Variants in AGXT2 observed in about 807,000 individuals in gnomAD.
AGXT2 encodes the protein alanine--glyoxylate aminotransferase 2, mitochondrial.
A neutral mutation model predicts 62.5 loss-of-function variants in AGXT2; 61 were observed. The ratio of observed to expected loss-of-function variants is 0.98; its 90% CI spans 0.79 to 1.21. The LOEUF (loss-of-function observed/expected upper bound fraction) is 1.21, where lower values mean the gene tolerates loss of function less well. Among genes scored for constraint, AGXT2 ranks in the 50% most tolerant of loss-of-function variants. AGXT2 has a pLI of 0.00. For synonymous variants in AGXT2, 243 were observed against 218.7 expected, an observed-to-expected ratio of 1.11 and a Z score of -0.98; for missense variants, 666 against 641.5, an observed-to-expected ratio of 1.04 and a Z score of -0.41.
At chr5:35,013,885 T>C in intron 10 of AGXT2, 102 bp downstream of exon 10, 2 of 1,526,388 alleles carry the variant, frequency 1.3e-6, no homozygotes, top group Non-Finnish European at 9.1e-7. Context: ...ATCATGTGGT[T>C]TCCATGATTG....
intron 7 of AGXT2, among the ~76,000 whole-genome samples, chr5:35,027,840 G>T (rs982585830): frequency 6.7e-6 from 1 of 149,620 alleles, no homozygotes; most frequent in Admixed American, 6.8e-5. Flanking sequence ...CAAAGCCTTG[G>T]AGGGCCAGTC....
intron 9 of AGXT2, among the ~76,000 whole-genome samples, chr5:35,015,772 C>T (rs1398038983): frequency 6.8e-6 from 1 of 146,514 alleles, no homozygotes; most frequent in Admixed American, 7.0e-5. Context: ...ATCGCTTGAA[C>T]CTGGGAGGCA....
At chr5:34,999,281 A>G (rs1302923587) in intron 13 of AGXT2, among the ~76,000 whole-genome samples, 2 of 152,284 alleles carry the variant, frequency 1.3e-5, no homozygotes, top group Non-Finnish European at 2.9e-5. Context: ...TCAATTTCTG[A>G]TTCCCACTAC....
chr5:35,025,742 G>T, intron 9 of AGXT2, 21 bp downstream of exon 9: 2 of 1,612,502 alleles, frequency 1.2e-6, no homozygotes, highest in East Asian at 2.2e-5. Flanking sequence ...GCACTCAATG[G>T]CACCCTTACA....
At chr5:35,021,432 A>G (rs1435096867) in intron 9 of AGXT2, among the ~76,000 whole-genome samples, 14 of 151,070 alleles carry the variant, frequency 9.3e-5, no homozygotes, top group African/African-American at 3.4e-4. Context: ...ATCTACAACT[A>G]TCTGATCTTT....
intron 9 of AGXT2, among the ~76,000 whole-genome samples, chr5:35,017,990 G>T (rs1766915496): frequency 6.6e-6 from 1 of 152,168 alleles, no homozygotes; most frequent in African/African-American, 2.4e-5. Flanking sequence ...AAGGTGAAAT[G>T]AATGAAATGA....
intron 9 of AGXT2, among the ~76,000 whole-genome samples, chr5:35,022,123 G>C (rs1199050981): frequency 3.1e-4 from 47 of 152,128 alleles, no homozygotes; most frequent in African/African-American, 1.1e-3. Flanking sequence ...TACACTGTTG[G>C]TGGGACTGTA....
intron 12 of AGXT2, among the ~76,000 whole-genome samples, chr5:35,005,875 G>GA (rs5867263): frequency 0.29 from 44,344 of 151,696 alleles, 7,162 homozygotes; most frequent in Non-Finnish European, 0.37. Context: ...TTTAAAATTT[G>GA]AAAAAAATTC....
chr5:35,010,574 A>G (rs1392341513), intron 11 of AGXT2, among the ~76,000 whole-genome samples: 1 of 152,108 alleles, frequency 6.6e-6, no homozygotes, highest in African/African-American at 2.4e-5. Context: ...AGTCCCAGCT[A>G]TTCGGGAGGC....
chr5:35,032,074 T>A (rs1174999017), intron 7 of AGXT2, among the ~76,000 whole-genome samples: 3 of 151,660 alleles, frequency 2.0e-5, no homozygotes, highest in African/African-American at 7.3e-5. Context: ...AGCCTCAGCC[T>A]CCCGAGTAGC....
intron 9 of AGXT2, among the ~76,000 whole-genome samples, chr5:35,020,283 C>T (rs374766082): frequency 2.6e-5 from 4 of 152,116 alleles, no homozygotes; most frequent in African/African-American, 7.2e-5. Context: ...AAGAGAATTT[C>T]AGACCAATAT....
At chr5:35,013,963 A>G in intron 10 of AGXT2, 24 bp downstream of exon 10, 1 of 1,613,806 alleles carries the variant, frequency 6.2e-7, no homozygotes, top group African/African-American at 1.3e-5. Context: ...CCAGAAGCAA[A>G]CACAAACTGC....
rs1766741372 is a variant in AGXT2, at chr5:35,013,854, T to A, written c.1096+133A>T. On this transcript the variant is annotated intron_variant, in intron 10 of 13. Coordinates refer to ENST00000231420, the MANE Select transcript of AGXT2 (RefSeq NM_031900.4). ...GTCAGGCAGACAGACTGTTTCTCTC[T>A]TTCATTTGCTTGGGAAATGCATCAT... The A allele has an allele frequency of 9.4e-6, 13 of 1,376,140 alleles. No homozygotes were observed. The Admixed American group carries it at 2.2e-4, about 23-fold the overall frequency. 85.2% of individuals were successfully genotyped at this position (1,376,140 alleles called of 1,614,324 possible). A position where few individuals can be genotyped will look rare whatever the true frequency, so the allele number is the denominator to read the frequency against.
chr5:34,999,346 C>CT (rs1257038277), intron 13 of AGXT2, among the ~76,000 whole-genome samples: 1 of 152,160 alleles, frequency 6.6e-6, no homozygotes, highest in East Asian at 1.9e-4. Context: ...GTTTTCAGGT[C>CT]TATTGCTCCA....
chr5:35,012,558 C>T (rs1004205003), intron 11 of AGXT2: 2 of 284,736 alleles, frequency 7.0e-6, no homozygotes, highest in Non-Finnish European at 1.4e-5. Context: ...CTCAGTGTCT[C>T]CTTAGTCATT....
chr5:35,045,203 C>A (rs1164231172), intron 1 of AGXT2, among the ~76,000 whole-genome samples: 3 of 152,142 alleles, frequency 2.0e-5, no homozygotes, highest in African/African-American at 7.2e-5. Flanking sequence ...GTAAACAAAG[C>A]TGAACATTTT....
intron 13 of AGXT2, among the ~76,000 whole-genome samples, chr5:35,002,562 C>T (rs1766267506): frequency 6.6e-6 from 1 of 152,144 alleles, no homozygotes; most frequent in African/African-American, 2.4e-5. Context: ...GTGATTAGCT[C>T]AGGAGGGCAA....
chr5:35,045,764 C>CTTTT (rs1255749919), intron 1 of AGXT2, among the ~76,000 whole-genome samples: 17 of 99,138 alleles, frequency 1.7e-4, no homozygotes, highest in Non-Finnish European at 2.6e-4. Context: ...TTTCTTTTTT[C>CTTTT]TTTTTTTTTT....
Position 35,037,001 on chromosome 5 carries a change from G to C in AGXT2, c.427C>G (p.His143Asp), listed in dbSNP as rs1006003259. 6.2e-7 allele frequency: 1 copy of C among 1,614,198 alleles called. No individual in the cohort carries two copies. Among genetic ancestry groups the C allele is most frequent in the African/African-American group, 1.3e-5 (1 of 75,066 alleles). The stretch of plus-strand genomic sequence containing the variant: ...TCTGCATATTCATGCATTGGAGGGT[G>C]GAAGAAGACGGTGCTTGTATGCCAC... ...RLWHTSTVFF[H>D]PPMHEYAEKL... The change falls in exon 4 of 14, where the codon CAC (histidine) becomes GAC (aspartate). Residue 143 changes from histidine to aspartate, a missense_variant. By Grantham distance (81) the His-to-Asp change is moderately conservative. Coordinates refer to ENST00000231420, the MANE Select transcript of AGXT2 (RefSeq NM_031900.4).
Sources: allele counts gnomAD v4.1 joint callset (sites outside exome capture counted in the v4.1 genomes callset), GRCh38; gene constraint gnomAD v4.1.1; transcripts MANE v1.5; gene names NCBI Gene and HGNC (gene_info 2026-07-23, HGNC 2026-07-21).